SMOC2: variants seen among roughly 807,000 people sequenced by gnomAD.
SMOC2 encodes the protein SPARC-related modular calcium-binding protein 2.
SMOC2 carries 39 observed loss-of-function variants against 61.4 expected under a neutral mutation model. The observed-to-expected ratio is 0.64, with a 90% CI of 0.49 to 0.83. The LOEUF is 0.83. Among genes scored for constraint, SMOC2 ranks in the 40% least tolerant of loss-of-function variants. The probability of loss-of-function intolerance (pLI) is 0.00; values close to 1 mark genes in which losing one functional copy is unlikely to be tolerated. For missense variants in SMOC2, 556 were observed against 592.9 expected (o/e 0.94, Z 0.65); for synonymous variants, 247 against 239.9 (o/e 1.03, Z -0.27).
intron 2 of SMOC2, among the ~76,000 whole-genome samples, chr6:168,518,559 GTGCATGTATGTGACAA>G (rs1206745691): frequency 1.3e-5 from 2 of 151,316 alleles, no homozygotes; most frequent in Non-Finnish European, 2.9e-5. Context: ...GCTTGTGTGA[GTGCATGTATGTGACAA>G]TGCATGTATG....
chr6:168,604,715 T>C (rs16887187), intron 8 of SMOC2, among the ~76,000 whole-genome samples: 1,938 of 152,322 alleles, frequency 0.013, 43 homozygotes, highest in African/African-American at 0.043. Context: ...TTGCATCGTC[T>C]TTGATATGTG....
chr6:168,558,353 G>GAAC (rs1418736116), intron 7 of SMOC2, among the ~76,000 whole-genome samples: 2 of 152,016 alleles, frequency 1.3e-5, no homozygotes, highest in African/African-American at 4.8e-5. Flanking sequence ...CTGCACAAGG[G>GAAC]AACACAGTGG....
At chr6:168,518,982 T>C (rs532076667) in intron 2 of SMOC2, among the ~76,000 whole-genome samples, 16 of 150,114 alleles carry the variant, frequency 1.1e-4, no homozygotes, top group East Asian at 4.0e-4. Context: ...TGTGTATGCA[T>C]GCGTGTGTAT....
At chr6:168,583,067 G>T (rs752300918) in intron 7 of SMOC2, among the ~76,000 whole-genome samples, 4 of 152,238 alleles carry the variant, frequency 2.6e-5, no homozygotes, top group Non-Finnish European at 4.4e-5. Context: ...AACAGGAGGA[G>T]CCATGCTACT....
chr6:168,543,750 T>C, intron 5 of SMOC2, 78 bp downstream of exon 5: 1 of 1,356,226 alleles, frequency 7.4e-7, no homozygotes, highest in African/African-American at 1.4e-5. Flanking sequence ...CAAGTTAAAG[T>C]TGAAACATCC....
intron 11 of SMOC2, among the ~76,000 whole-genome samples, chr6:168,659,641 G>T (rs1427336263): frequency 3.5e-3 from 488 of 139,218 alleles, no homozygotes; most frequent in Middle Eastern, 3.9e-3. Context: ...GAGGTTGTAG[G>T]TTGGGTGAGG....
chr6:168,486,795 C>G (rs1782349975), intron 1 of SMOC2, among the ~76,000 whole-genome samples: 1 of 152,162 alleles, frequency 6.6e-6, no homozygotes, highest in Non-Finnish European at 1.5e-5. Context: ...AGTTCCAACT[C>G]TCTGCTATCC....
At position 168,445,057 on chromosome 6, in the gene SMOC2, G is replaced by A. The variant is rs547263003; in HGVS notation, c.84+3603G>A. Among the ~76,000 whole-genome samples, 3 of 152,254 alleles carry A rather than the reference G, an allele frequency of 2.0e-5. No individual in the cohort carries two copies. In the South Asian group the frequency reaches 6.2e-4, roughly 32 times the overall value. ...CCCCTAAGGTCATACGCACGACTTCGTTAAAGGTACCGTTGTCTCCACATT... is the reference window on the plus strand; with the variant it reads ...CCCCTAAGGTCATACGCACGACTTCATTAAAGGTACCGTTGTCTCCACATT... On this transcript the variant is annotated intron_variant, in intron 1 of 12. Transcript: ENST00000356284.
chr6:168,486,195 T>C (rs1425119151), intron 1 of SMOC2, among the ~76,000 whole-genome samples: 1 of 151,996 alleles, frequency 6.6e-6, no homozygotes, highest in Non-Finnish European at 1.5e-5. Context: ...AGTAAAGGAG[T>C]TGCATAGATA....
chr6:168,649,084 G>T (rs1289518277), intron 9 of SMOC2, among the ~76,000 whole-genome samples: 1 of 152,144 alleles, frequency 6.6e-6, no homozygotes, highest in Non-Finnish European at 1.5e-5. Context: ...AGTCCAGAGA[G>T]AGCCCTCCTC....
At chr6:168,562,630 C>T (rs1022463990) in intron 7 of SMOC2, among the ~76,000 whole-genome samples, 14 of 152,224 alleles carry the variant, frequency 9.2e-5, no homozygotes, top group Non-Finnish European at 1.8e-4. Flanking sequence ...GCCTGAGCTT[C>T]AGCTTGCCTT....
chr6:168,515,602 T>TGAGGGGCCGGCTCCTTCCAAGGCCTC (rs1783112627), intron 2 of SMOC2, among the ~76,000 whole-genome samples: 1 of 151,796 alleles, frequency 6.6e-6, no homozygotes, highest in Non-Finnish European at 1.5e-5. Flanking sequence ...AGACGGGCCT[T>TGAGGGGCCGGCTCCTTCCAAGGCCTC]GCCCTGAGCG....
chr6:168,530,951 C>T lies in SMOC2; in HGVS notation c.463+3224C>T, dbSNP rs1783587224. The stretch of plus-strand genomic sequence containing the variant: ...GCCTGGGTGAGCACTGCGGTTCGCT[C>T]GGTTCATCCTACAGAGCAGTGAGCA... On this transcript the variant is annotated intron_variant, in intron 4 of 12. Transcript: ENST00000356284. Among the ~76,000 whole-genome samples, 6 of 152,104 alleles carry T rather than the reference C, an allele frequency of 3.9e-5. No homozygotes were observed. In the South Asian group the frequency reaches 1.0e-3, roughly 26 times the overall value.
chr6:168,480,979 G>T (rs1297294433), intron 1 of SMOC2, among the ~76,000 whole-genome samples: 1 of 152,130 alleles, frequency 6.6e-6, no homozygotes, highest in Non-Finnish European at 1.5e-5. Context: ...CCTATCTCCA[G>T]CAAAGCTGTT....
At chr6:168,547,299 C>A in intron 6 of SMOC2, 130 bp downstream of exon 6, 1 of 714,884 alleles carries the variant, frequency 1.4e-6, no homozygotes, top group Non-Finnish European at 2.4e-6. Flanking sequence ...CAGACACAGA[C>A]AGAAAAGACC....
intron 1 of SMOC2, among the ~76,000 whole-genome samples, chr6:168,471,128 G>T (rs569165893): frequency 6.6e-6 from 1 of 152,218 alleles, no homozygotes; most frequent in African/African-American, 2.4e-5. Context: ...TAAGTGTGTG[G>T]CTGAGTTCTG....
rs775648942 is a variant in SMOC2 at position 168,598,920 on chromosome 6, A to G, written c.740A>G (p.Lys247Arg). 1 of 1,613,732 alleles carries G rather than the reference A, an allele frequency of 6.2e-7. No individual in the cohort carries two copies. Among genetic ancestry groups the G allele is most frequent in the South Asian group, 1.1e-5 (1 of 91,086 alleles). Residue 247 changes from lysine (K) to arginine (R), a missense_variant, in exon 8 of 13, where the codon AAG (lysine) becomes AGG (arginine). By Grantham distance (26) the Lys-to-Arg change is conservative. Coordinates refer to ENST00000356284, the MANE Select transcript of SMOC2 (RefSeq NM_001166412.2). Reference protein sequence around the residue: ...IPECAHGGLYKPVQCHPSTGY... With the variant: ...IPECAHGGLYRPVQCHPSTGY... ...GAGTGTGCGCACGGCGGCCTCTACA[A>G]GCCAGTGCAGTGCCACCCCTCCACG...
intron 4 of SMOC2, among the ~76,000 whole-genome samples, chr6:168,537,634 GGTT>G (rs1783763742): frequency 2.0e-5 from 3 of 152,244 alleles, no homozygotes; most frequent in Non-Finnish European, 4.4e-5. Context: ...CCGAGTGGCT[GGTT>G]GGCTTCTCAC....
chr6:168,612,216 C>G (rs1010743059), intron 9 of SMOC2, among the ~76,000 whole-genome samples: 7 of 148,134 alleles, frequency 4.7e-5, no homozygotes, highest in African/African-American at 1.8e-4. Context: ...TGATCTCCAT[C>G]GGGGAGAGGG....
Sources: gnomAD v4.1 joint callset for allele counts (sites outside exome capture counted in the v4.1 genomes callset) on GRCh38, gnomAD v4.1.1 for gene constraint, MANE v1.5 for transcripts, NCBI Gene and HGNC (gene_info 2026-07-23, HGNC 2026-07-21) for gene names.